Variants in TENM2 observed in about 807,000 individuals in gnomAD.
The protein encoded by TENM2 is teneurin-2.
Under a neutral mutation model 245.2 loss-of-function variants are expected in TENM2, and 52 were observed. The observed-to-expected ratio is 0.21, with a 90% confidence interval of 0.17 to 0.27. TENM2 has a LOEUF of 0.27. Among genes scored for constraint, TENM2 ranks in the 10% least tolerant of loss-of-function variants. The pLI, the probability that TENM2 is intolerant of heterozygous loss-of-function variation, is 1.00. For synonymous variants in TENM2, 1,363 were observed against 1,438.9 expected (o/e 0.95, Z 1.19); for missense variants, 3,046 against 3,666.8 (o/e 0.83, Z 4.37).
At chr5:167,995,149 C>T (rs1207449429) in intron 5 of TENM2, among the ~76,000 whole-genome samples, 8 of 152,222 alleles carry the variant, frequency 5.3e-5, no homozygotes, top group Middle Eastern at 6.8e-3. Flanking sequence ...CGTCCCAGTG[C>T]GCCTTCTACT....
chr5:167,350,023 G>A (rs1176932480), intron 1 of TENM2, among the ~76,000 whole-genome samples: 1 of 152,120 alleles, frequency 6.6e-6, no homozygotes, highest in Non-Finnish European at 1.5e-5. Context: ...TATCAGAATG[G>A]TGTCAAATTA....
chr5:167,082,312 T>C, the TENM2 span, among the ~76,000 whole-genome samples: 1 of 151,946 alleles, frequency 6.6e-6, no homozygotes, highest in African/African-American at 2.4e-5. Context: ...TGGGATGGAG[T>C]CTCACTCTGT....
intron 2 of TENM2, among the ~76,000 whole-genome samples, chr5:167,863,469 A>G (rs1402711857): frequency 6.6e-6 from 1 of 150,686 alleles, no homozygotes; most frequent in Non-Finnish European, 1.5e-5. Flanking sequence ...ACACACACAC[A>G]CACACACACA....
the TENM2 span, among the ~76,000 whole-genome samples, chr5:167,159,642 T>A: frequency 1.3e-5 from 2 of 152,224 alleles, no homozygotes; most frequent in Non-Finnish European, 2.9e-5. Flanking sequence ...AACATCATTT[T>A]AAAAAATAAA....
At chr5:167,708,645 A>G (rs908128862) in intron 2 of TENM2, among the ~76,000 whole-genome samples, 9 of 152,256 alleles carry the variant, frequency 5.9e-5, no homozygotes, top group South Asian at 4.2e-4. Flanking sequence ...GGCAGCCACA[A>G]GGAGGAGCCT....
At chr5:167,861,039 T>TA (rs10714126) in intron 2 of TENM2, among the ~76,000 whole-genome samples, 16 of 125,106 alleles carry the variant, frequency 1.3e-4, no homozygotes, top group African/African-American at 3.4e-4. Flanking sequence ...GAATTATCAA[T>TA]AAAAAAAAAA....
chr5:167,529,121 T>A lies in TENM2; in HGVS notation c.502+153648T>A, dbSNP rs144415064. On this transcript the variant is annotated intron_variant, in intron 2 of 28. Coordinates refer to ENST00000518659, the Ensembl canonical transcript of TENM2. ...CTTTTATCTGGAGAACTCTTTTCTCTTCTTCATATAGTATTACATATTGTA... is the reference window on the plus strand; with the variant it reads ...CTTTTATCTGGAGAACTCTTTTCTCATCTTCATATAGTATTACATATTGTA... Among the ~76,000 whole-genome samples, 375 of 152,318 alleles carry A rather than the reference T, an allele frequency of 2.5e-3. 1 individual carries two copies. Among genetic ancestry groups the A allele is most frequent in the African/African-American group, 8.6e-3 (359 of 41,574 alleles).
chr5:167,760,464 A>G (rs894068418), intron 2 of TENM2, among the ~76,000 whole-genome samples: 6 of 152,150 alleles, frequency 3.9e-5, no homozygotes, highest in African/African-American at 1.4e-4. Context: ...ATTGCAGGCA[A>G]TCGAGGCTTC....
intron 9 of TENM2, among the ~76,000 whole-genome samples, chr5:168,115,363 A>AGGAG (rs1794983826): frequency 1.6e-5 from 1 of 64,150 alleles, no homozygotes; most frequent in Non-Finnish European, 3.3e-5. Context: ...AAGGAAGGGA[A>AGGAG]GGAAGGAAGG....
chr5:167,687,023 T>G (rs1757118868), intron 2 of TENM2, among the ~76,000 whole-genome samples: 2 of 152,104 alleles, frequency 1.3e-5, no homozygotes, highest in Non-Finnish European at 2.9e-5. Flanking sequence ...AAAAACACAT[T>G]GCCAAATACT....
At chr5:168,204,276 T>C in intron 18 of TENM2, 96 bp from the exon 21 acceptor site, 2 of 1,343,500 alleles carry the variant, frequency 1.5e-6, no homozygotes, top group South Asian at 1.5e-5. Flanking sequence ...GCACTGAAGA[T>C]TCCTAATTTG....
chr5:167,746,710 A>AGAGC lies in TENM2; in HGVS notation c.503-129273_503-129272insCGAG, dbSNP rs1554109881. On this transcript the variant is annotated intron_variant, in intron 2 of 28. Transcript: ENST00000518659. The stretch of plus-strand genomic sequence containing the variant: ...GAGAGAGAGAGAGAGAGAGAGAGAG[A>AGAGC]GAGAGCTGGACTCTACACAATTAGT... 4.7e-3 allele frequency among the ~76,000 whole-genome samples: 684 copies of AGAGC among 144,972 alleles called. 10 individuals are homozygous for AGAGC. The highest frequency in any genetic ancestry group is 0.016 in the African/African-American group (632 of 39,084).
At chr5:167,634,430 T>C (rs1561622014) in intron 2 of TENM2, among the ~76,000 whole-genome samples, 1 of 152,120 alleles carries the variant, frequency 6.6e-6, no homozygotes, top group African/African-American at 2.4e-5. Context: ...TTTCTTGTTA[T>C]ATCAAGCACA....
At chr5:167,697,889 A>G (rs924321394) in intron 2 of TENM2, among the ~76,000 whole-genome samples, 3 of 152,172 alleles carry the variant, frequency 2.0e-5, no homozygotes, top group Admixed American at 6.5e-5. Context: ...TTCTATCACC[A>G]TCCCTAGCTG....
In TENM2 at chr5:167,419,555, GCTTCTGAAAAGCC is replaced by G. The variant is rs377432433; in HGVS notation, c.502+44088_502+44100del. Among the ~76,000 whole-genome samples, 142 of 152,302 alleles carry G rather than the reference GCTTCTGAAAAGCC, an allele frequency of 9.3e-4. 1 individual carries two copies. The highest frequency in any genetic ancestry group is 3.2e-3 in the African/African-American group (134 of 41,580). ...CAGCATCTTTTCCCGTTTCACTTAA[GCTTCTGAAAAGCC>G]CTTCTTGGTCAGAATGACTGAAACA... On this transcript the variant is annotated intron_variant, in intron 2 of 28. Transcript: ENST00000518659.
At chr5:168,068,312 C>T (rs1001047005) in intron 7 of TENM2, among the ~76,000 whole-genome samples, 4 of 152,104 alleles carry the variant, frequency 2.6e-5, no homozygotes, top group Non-Finnish European at 4.4e-5. Flanking sequence ...TGAGTTCAGA[C>T]GGGCAGCACC....
intron 2 of TENM2, among the ~76,000 whole-genome samples, chr5:167,765,843 T>C (rs1303963083): frequency 6.6e-6 from 1 of 152,198 alleles, no homozygotes; most frequent in African/African-American, 2.4e-5. Flanking sequence ...GTTATCATGG[T>C]GCCTGCTACC....
At chr5:168,050,039 G>A (rs1788941014) in intron 6 of TENM2, among the ~76,000 whole-genome samples, 2 of 152,252 alleles carry the variant, frequency 1.3e-5, no homozygotes, top group South Asian at 2.1e-4. Flanking sequence ...CTGAGCTCAG[G>A]CAATCCTCCC....
rs183853384 is a variant in TENM2 at position 168,146,211 on chromosome 5, C to T, written c.2423-16400C>T. On this transcript the variant is annotated intron_variant, in intron 12 of 28. Transcript: ENST00000518659. Reference sequence around the variant, plus strand: ...TAATTGCCCTGGCCAGAACTTCCAACTTCCAACTCTTTTTTATATAAAACG... The same window carrying T: ...TAATTGCCCTGGCCAGAACTTCCAATTTCCAACTCTTTTTTATATAAAACG... 6.0e-3 allele frequency among the ~76,000 whole-genome samples: 908 copies of T among 152,206 alleles called. 5 individuals carry two copies. Among genetic ancestry groups the T allele is most frequent in the Middle Eastern group, 0.01 (3 of 294 alleles).
Sources: gnomAD v4.1 joint callset for allele counts (sites outside exome capture counted in the v4.1 genomes callset) on GRCh38, gnomAD v4.1.1 for gene constraint, MANE v1.5 for transcripts, NCBI Gene and HGNC (gene_info 2026-07-23, HGNC 2026-07-21) for gene names.